Variants in PCDHGA8 observed in about 807,000 individuals in gnomAD.
The protein encoded by PCDHGA8 is protocadherin gamma-A8.
In PCDHGA8, 45 loss-of-function variants were observed where a neutral mutation model predicts 59.2. The observed-to-expected ratio is 0.76, with a 90% CI of 0.60 to 0.98. The LOEUF (loss-of-function observed/expected upper bound fraction) is 0.98. Ranked by LOEUF, PCDHGA8 falls within the 50% of genes least tolerant of loss-of-function variation. PCDHGA8 has a pLI of 0.00. For missense variants in PCDHGA8, 1,257 were observed against 1,196.2 expected, an observed-to-expected ratio of 1.05 and a Z score of -0.75; for synonymous variants, 531 against 519.0, an observed-to-expected ratio of 1.02 and a Z score of -0.32.
chr5:141,405,419 T>C, intron 1 of PCDHGA8: 7 of 1,509,010 alleles, frequency 4.6e-6, no homozygotes, highest in Non-Finnish European at 5.4e-6. Flanking sequence ...TTTTTTGTTT[T>C]TTGTTTTGTT....
In PCDHGA8 at chr5:141,490,935, G is replaced by A. The variant is rs1371144225; in HGVS notation, c.2425-3872G>A. On this transcript the variant is annotated intron_variant, in intron 1 of 3. Transcript: ENST00000398604. The surrounding 1 kb of genome is among the most constrained non-coding windows in gnomAD (Gnocchi z 5.4). ...AGAATGATAATGCCCCAGCTGTGCTGCACCCACGGCCAGACTGGGAACACT... is the reference window on the plus strand; with the variant it reads ...AGAATGATAATGCCCCAGCTGTGCTACACCCACGGCCAGACTGGGAACACT... 1.9e-6 allele frequency: 3 copies of A among 1,613,638 alleles called. No homozygotes were observed. The highest frequency in any genetic ancestry group is 2.2e-5 in the South Asian group (2 of 91,032).
chr5:141,429,476 A>T (rs1279691939), intron 1 of PCDHGA8, among the ~76,000 whole-genome samples: 1 of 152,112 alleles, frequency 6.6e-6, no homozygotes, highest in Non-Finnish European at 1.5e-5. Flanking sequence ...CAATCTCCAG[A>T]GTAGCTGAGA....
At chr5:141,409,378 C>G (rs780715519) in intron 1 of PCDHGA8, 3 of 1,613,996 alleles carry the variant, frequency 1.9e-6, no homozygotes, top group Non-Finnish European at 2.5e-6. Context: ...ACATTCCATT[C>G]AAGATTTATT....
intron 1 of PCDHGA8, among the ~76,000 whole-genome samples, chr5:141,488,117 G>A (rs1231303931): frequency 6.6e-6 from 1 of 152,190 alleles, no homozygotes; most frequent in African/African-American, 2.4e-5. Flanking sequence ...GAAACATAGA[G>A]ACAGCAGAAA....
intron 1 of PCDHGA8, among the ~76,000 whole-genome samples, chr5:141,463,191 C>T (rs2099054821): frequency 6.6e-6 from 1 of 152,100 alleles, no homozygotes; most frequent in Non-Finnish European, 1.5e-5. Flanking sequence ...TATTATTTAG[C>T]CAAAGACTTG....
intron 1 of PCDHGA8, among the ~76,000 whole-genome samples, chr5:141,494,039 G>A (rs901795348): frequency 2.0e-5 from 3 of 152,144 alleles, no homozygotes; most frequent in Non-Finnish European, 4.4e-5. Context: ...GACTTAGTTG[G>A]CCCTGCTTGG....
chr5:141,485,768 C>G lies in PCDHGA8; in HGVS notation c.2425-9039C>G. ...GGTCCCAGAGCTGCTCCTGGAGAAG[C>G]CTTTGGATCGAGAGAAGCAATCGGA... On this transcript the variant is annotated intron_variant, in intron 1 of 3. Coordinates refer to ENST00000398604, the MANE Select transcript of PCDHGA8 (RefSeq NM_032088.2). The surrounding 1 kb of genome is among the most constrained non-coding windows in gnomAD (Gnocchi z 5.7). 5 of 1,614,192 alleles carry G rather than the reference C, an allele frequency of 3.1e-6. No homozygotes were observed. The South Asian group carries it at 3.3e-5, about 11-fold the overall frequency.
intron 1 of PCDHGA8, chr5:141,414,204 T>C (rs748616910): frequency 1.2e-6 from 2 of 1,612,266 alleles, no homozygotes; most frequent in East Asian, 2.2e-5. Flanking sequence ...CAGTAGAAGA[T>C]GTAAATGACA....
Position 141,477,187 on chromosome 5 carries a change from G to A in PCDHGA8, c.2425-17620G>A, listed in dbSNP as rs2154575648. ...CCCCGGAGATCACAGTCACCTCCGT[G>A]TACAGCCCAGTACCCGAGGATGCCC... On this transcript the variant is annotated intron_variant, in intron 1 of 3. Coordinates refer to ENST00000398604, the MANE Select transcript of PCDHGA8 (RefSeq NM_032088.2). The surrounding 1 kb of genome is among the most constrained non-coding windows in gnomAD (Gnocchi z 4.9). The A allele has an allele frequency of 6.2e-7, 1 of 1,614,190 alleles. No individual in the cohort carries two copies. The highest frequency in any genetic ancestry group is 2.2e-5 in the East Asian group (1 of 44,874).
intron 1 of PCDHGA8, chr5:141,423,126 G>T (rs1397550571): frequency 6.2e-7 from 1 of 1,613,622 alleles, no homozygotes; most frequent in Non-Finnish European, 8.5e-7. Context: ...CGCGGGCACT[G>T]CTGGACAGAG....
intron 1 of PCDHGA8, chr5:141,413,818 G>T: frequency 6.2e-7 from 1 of 1,613,138 alleles, no homozygotes; most frequent in Non-Finnish European, 8.5e-7. Context: ...TCACCACCTG[G>T]TCCTCACCGC....
intron 1 of PCDHGA8, among the ~76,000 whole-genome samples, chr5:141,438,835 A>T (rs1591550617): frequency 6.7e-6 from 1 of 149,784 alleles, no homozygotes; most frequent in African/African-American, 2.5e-5. Flanking sequence ...CTAATTTTTT[A>T]AAATATTTTT....
At position 141,415,520 on chromosome 5, in the gene PCDHGA8, C is replaced by A. The variant is rs200535016; in HGVS notation, c.2424+20283C>A. The A allele has an allele frequency of 1.8e-4, 288 of 1,614,072 alleles. 3 individuals carry two copies. The highest frequency in any genetic ancestry group is 6.7e-5 in the Non-Finnish European group (79 of 1,180,044). On this transcript the variant is annotated intron_variant, in intron 1 of 3. Coordinates refer to ENST00000398604, the MANE Select transcript of PCDHGA8 (RefSeq NM_032088.2). Reference sequence around the variant, plus strand: ...TTCCCCCAGCCCAATTATGCGGACACGCTCATCAGCCAGGAGAGCTGTGAG... The same window carrying A: ...TTCCCCCAGCCCAATTATGCGGACAAGCTCATCAGCCAGGAGAGCTGTGAG...
intron 1 of PCDHGA8, chr5:141,422,082 G>A (rs2096622921): frequency 6.2e-7 from 1 of 1,612,284 alleles, no homozygotes; most frequent in East Asian, 2.2e-5. Context: ...TTCGGAACAT[G>A]GAAAGCAAGG....
Position 141,491,834 on chromosome 5 carries a change from CG to C in PCDHGA8, c.2425-2970del. On this transcript the variant is annotated intron_variant, in intron 1 of 3. Transcript: ENST00000398604. This position sits in a 1 kb window ranked among gnomAD's most constrained non-coding sequence, Gnocchi z 6.9. ...CGCTGGCTGCGCTCCACCCGATTCT[CG>C]GGATCATTGGACCGTTTGCGCGAAA... 1 of 1,473,830 alleles carries C rather than the reference CG, an allele frequency of 6.8e-7. No homozygotes were observed. Among genetic ancestry groups the C allele is most frequent in the Middle Eastern group, 1.8e-4 (1 of 5,590 alleles). The allele number at this position is 1,473,830 out of a possible 1,614,324, so 91.3% of individuals were successfully genotyped here.
At position 141,433,110 on chromosome 5, in the gene PCDHGA8, G is replaced by A. The variant is rs1031253372; in HGVS notation, c.2424+37873G>A. On this transcript the variant is annotated intron_variant, in intron 1 of 3. Coordinates refer to ENST00000398604, the MANE Select transcript of PCDHGA8 (RefSeq NM_032088.2). Reference sequence around the variant, plus strand: ...GCAGACATGCTCGTCAGCCAGGAGAGCTTTGAAAAAAGCGAGCCCCTTTTG... The same window carrying A: ...GCAGACATGCTCGTCAGCCAGGAGAACTTTGAAAAAAGCGAGCCCCTTTTG... 3.1e-6 allele frequency: 5 copies of A among 1,613,982 alleles called. No homozygotes were observed. The African/African-American group carries it at 5.3e-5, about 17-fold the overall frequency.
intron 1 of PCDHGA8, among the ~76,000 whole-genome samples, chr5:141,479,053 A>G (rs534968614): frequency 9.2e-5 from 14 of 152,334 alleles, no homozygotes; most frequent in African/African-American, 3.1e-4. Context: ...TCATTCTCAG[A>G]TAATTTTTTA....
chr5:141,409,203 T>TC, intron 1 of PCDHGA8: 1 of 1,613,964 alleles, frequency 6.2e-7, no homozygotes, highest in Non-Finnish European at 8.5e-7. Context: ...TGTAAAGTAA[T>TC]CATAGAAATC....
At chr5:141,462,235 C>T (rs1389326284) in intron 1 of PCDHGA8, among the ~76,000 whole-genome samples, 1 of 152,206 alleles carries the variant, frequency 6.6e-6, no homozygotes, top group African/African-American at 2.4e-5. Flanking sequence ...GCAGGGATTA[C>T]AGGTATGAGC....
Sources: allele counts gnomAD v4.1 joint callset (sites outside exome capture counted in the v4.1 genomes callset), GRCh38; gene constraint gnomAD v4.1.1; non-coding constraint Gnocchi (gnomAD v3.1); transcripts MANE v1.5; gene names NCBI Gene and HGNC (gene_info 2026-07-23, HGNC 2026-07-21).